The following KANK2 variants were observed in gnomAD, a reference collection of about 807,000 sequenced individuals.
KANK2 encodes KN motif and ankyrin repeat domains 2.
Under a neutral mutation model 74.6 loss-of-function variants are expected in KANK2, and 41 were observed. The observed-to-expected ratio is 0.55, with a 90% CI of 0.43 to 0.71. The LOEUF (loss-of-function observed/expected upper bound fraction) is 0.71, where lower values mean the gene tolerates loss of function less well. Among genes scored for constraint, KANK2 ranks in the 30% least tolerant of loss-of-function variants. The probability of loss-of-function intolerance (pLI) is 0.00; values close to 1 mark genes in which losing one functional copy is unlikely to be tolerated. For synonymous variants in KANK2, 537 were observed against 519.0 expected (o/e 1.03, Z -0.47); for missense variants, 1,148 against 1,196.4 (o/e 0.96, Z 0.60).
intron 4 of KANK2, among the ~76,000 whole-genome samples, chr19:11,181,099 A>C (rs1447824844): frequency 1.4e-5 from 2 of 138,872 alleles, no homozygotes; most frequent in Non-Finnish European, 3.3e-5. Context: ...AAAAAAAAAA[A>C]AAAAAAAAAA....
chr19:11,194,114 G>A lies in KANK2; in HGVS notation c.38-72C>T, dbSNP rs190168029. On this transcript the variant is annotated intron_variant, in intron 3 of 12. Coordinates refer to ENST00000586659, the MANE Select transcript of KANK2 (RefSeq NM_001136191.3). ...TTCTCAGGGTGAAGACTGATGCCTGGGGAGAGTTGGGGTTTATTTGCCGAA... is the reference window on the plus strand; with the variant it reads ...TTCTCAGGGTGAAGACTGATGCCTGAGGAGAGTTGGGGTTTATTTGCCGAA... 279 of 1,471,382 alleles carry A rather than the reference G, an allele frequency of 1.9e-4. No homozygotes were observed. The African/African-American group carries it at 3.4e-3, about 18-fold the overall frequency. 91.1% of individuals were successfully genotyped at this position (1,471,382 alleles called of 1,614,324 possible).
At chr19:11,188,767 A>C (rs1046101144) in intron 4 of KANK2, among the ~76,000 whole-genome samples, 1 of 151,778 alleles carries the variant, frequency 6.6e-6, no homozygotes, top group Non-Finnish European at 1.5e-5. Context: ...GCAGACCACA[A>C]GGTTAGGAGT....
chr19:11,174,399 G>A (rs774762344), intron 9 of KANK2, 74 bp downstream of exon 9: 60 of 1,220,770 alleles, frequency 4.9e-5, no homozygotes, highest in South Asian at 3.8e-4. Flanking sequence ...GGAGGGCAGT[G>A]TCTTCCCTAT....
intron 6 of KANK2, among the ~76,000 whole-genome samples, chr19:11,178,004 G>A (rs568429613): frequency 9.9e-5 from 15 of 152,192 alleles, no homozygotes; most frequent in Non-Finnish European, 2.1e-4. Context: ...TCCCCATCAC[G>A]GCTCCAACCA....
rs756193867 is a variant in KANK2 at position 11,178,493 on chromosome 19, A to G, written c.1418-46T>C. ...GGTGCTGTGAGAGTCCTTCAGGGCC[A>G]GACTCCGAACTGGCGCCATCCCGGT... On this transcript the variant is annotated intron_variant, in intron 5 of 12. Transcript: ENST00000586659. 3.1e-6 allele frequency: 5 copies of G among 1,601,414 alleles called. No individual in the cohort carries two copies. In the South Asian group the frequency reaches 4.5e-5, roughly 14 times the overall value.
At position 11,193,271 on chromosome 19, in the gene KANK2, C is replaced by G; in HGVS notation, c.809G>C (p.Trp270Ser). The G allele has an allele frequency of 6.2e-7, 1 of 1,611,186 alleles. No individual in the cohort carries two copies. The highest frequency in any genetic ancestry group is 8.5e-7 in the Non-Finnish European group (1 of 1,179,802). The change falls in exon 4 of 13, where the codon TGG becomes TCG. Residue 270 changes from tryptophan to serine, a missense_variant. Trp to Ser is a radical substitution (Grantham distance 177). Coordinates refer to ENST00000586659, the MANE Select transcript of KANK2 (RefSeq NM_001136191.3). The surrounding 1 kb of genome is among the most constrained non-coding windows in gnomAD (Gnocchi z 9.6). ...VALETRSVGT[W>S]VRERDLGMPD... The stretch of plus-strand genomic sequence containing the variant: ...CATGCCCAAGTCCCGTTCTCGAACC[C>G]AGGTGCCCACACTCCGGGTCTCCAG...
Position 11,193,418 on chromosome 19 carries a change from T to TCCTGGAGCACCGAGAGCTTCA in KANK2, c.641_661dup (p.Val214_Gln220dup). The stretch of plus-strand genomic sequence containing the variant: ...TTGTACTGTGAGCTGCCGCTTTTCC[T>TCCTGGAGCACCGAGAGCTTCA]CCTGGAGCACCGAGAGCTTCACCTG... On this transcript the variant is annotated inframe_insertion, in exon 4 of 13. Coordinates refer to ENST00000586659, the MANE Select transcript of KANK2 (RefSeq NM_001136191.3). This position sits in a 1 kb window ranked among gnomAD's most constrained non-coding sequence, Gnocchi z 9.6. 3 of 1,612,252 alleles carry TCCTGGAGCACCGAGAGCTTCA rather than the reference T, an allele frequency of 1.9e-6. No individual in the cohort carries two copies. Among genetic ancestry groups the TCCTGGAGCACCGAGAGCTTCA allele is most frequent in the Non-Finnish European group, 1.7e-6 (2 of 1,179,842 alleles).
intron 9 of KANK2, among the ~76,000 whole-genome samples, chr19:11,173,783 T>C (rs936036247): frequency 2.2e-4 from 33 of 151,818 alleles, no homozygotes; most frequent in Admixed American, 1.8e-3. Context: ...GCTATCAGAC[T>C]AGGAGAGTCA....
intron 4 of KANK2, among the ~76,000 whole-genome samples, chr19:11,187,441 T>G (rs1674278697): frequency 6.6e-6 from 1 of 151,764 alleles, no homozygotes; most frequent in Admixed American, 6.6e-5. Context: ...TCAAGGACAC[T>G]CAAATGTCTA....
At chr19:11,169,477 C>G (rs999641127) in intron 12 of KANK2, among the ~76,000 whole-genome samples, 3 of 152,052 alleles carry the variant, frequency 2.0e-5, no homozygotes, top group African/African-American at 7.2e-5. Context: ...CACTGCACTC[C>G]AGCCTTGGTG....
chr19:11,168,001 CCTT>C (rs902983116), intron 12 of KANK2, among the ~76,000 whole-genome samples: 5 of 143,292 alleles, frequency 3.5e-5, no homozygotes, highest in Admixed American at 2.3e-4. Context: ...CATCCCACGT[CCTT>C]GTTTTTTTTT....
intron 4 of KANK2, among the ~76,000 whole-genome samples, chr19:11,186,369 CA>C (rs2078674962): frequency 6.6e-6 from 1 of 151,574 alleles, no homozygotes; most frequent in African/African-American, 2.4e-5. Context: ...GCCTGAGAAA[CA>C]GAGCAAGACT....
intron 8 of KANK2, 23 bp from the exon 9 acceptor site, chr19:11,174,715 A>C (rs2078283172): frequency 6.4e-7 from 1 of 1,556,766 alleles, no homozygotes; most frequent in Non-Finnish European, 8.7e-7. Flanking sequence ...CAGGTGGGAG[A>C]GGATGTGAGG....
At chr19:11,178,523 C>T (rs375273592) in intron 5 of KANK2, 30 bp downstream of exon 5, 23 of 1,603,146 alleles carry the variant, frequency 1.4e-5, no homozygotes, top group East Asian at 1.1e-4. Flanking sequence ...CCCGGTGCCC[C>T]GTCCCTCTTG....
chr19:11,171,529 T>C (rs2078172283), intron 10 of KANK2, among the ~76,000 whole-genome samples: 1 of 133,216 alleles, frequency 7.5e-6, no homozygotes, highest in Non-Finnish European at 1.5e-5. Flanking sequence ...TTTCACCTTC[T>C]TTTTTTTTTT....
Position 11,164,291 on chromosome 19 carries a change from T to G in KANK2, c.*2267A>C, listed in dbSNP as rs2077970703. 1 of 152,150 alleles carries G rather than the reference T, an allele frequency of 6.6e-6. No homozygotes were observed. The highest frequency in any genetic ancestry group is 1.5e-5 in the Non-Finnish European group (1 of 68,022). 9.4% of individuals were successfully genotyped at this position (152,150 alleles called of 1,614,324 possible). A position where few individuals can be genotyped will look rare whatever the true frequency, so the allele number is the denominator to read the frequency against. The stretch of plus-strand genomic sequence containing the variant: ...ATCATCAACATTATTGGTAGCTTTA[T>G]TAAATTTGTTTACCTTCTAAAAAAA... On this transcript the variant is annotated 3_prime_UTR_variant, in exon 13 of 13. Transcript: ENST00000586659.
intron 6 of KANK2, 139 bp from the exon 7 acceptor site, chr19:11,176,956 G>T: frequency 9.9e-7 from 1 of 1,015,066 alleles, no homozygotes; most frequent in Non-Finnish European, 1.4e-6. Flanking sequence ...GACATTCCAG[G>T]GTTGTGGGAT....
Position 11,170,292 on chromosome 19 carries a change from G to A in KANK2, c.2212-44C>T, listed in dbSNP as rs766012913. On this transcript the variant is annotated intron_variant, in intron 10 of 12. Transcript: ENST00000586659. This position sits in a 1 kb window ranked among gnomAD's most constrained non-coding sequence, Gnocchi z 5.2. ...AGGATTATGGTTCATGCAGGCCCCAGGGCAGGACACCCCCTGGTCTAGAAC... is the reference window on the plus strand; with the variant it reads ...AGGATTATGGTTCATGCAGGCCCCAAGGCAGGACACCCCCTGGTCTAGAAC... 3 of 1,544,894 alleles carry A rather than the reference G, an allele frequency of 1.9e-6. No individual in the cohort carries two copies. Among genetic ancestry groups the A allele is most frequent in the Non-Finnish European group, 8.9e-7 (1 of 1,129,002 alleles).
chr19:11,171,296 A>C (rs1237837924), intron 10 of KANK2, among the ~76,000 whole-genome samples: 2 of 151,982 alleles, frequency 1.3e-5, no homozygotes, highest in Non-Finnish European at 1.5e-5. Context: ...TCTAAAAAAA[A>C]ATTAGCCGGG....
Sources: gnomAD v4.1 joint callset for allele counts (sites outside exome capture counted in the v4.1 genomes callset) on GRCh38, gnomAD v4.1.1 for gene constraint, Gnocchi (gnomAD v3.1) non-coding constraint, MANE v1.5 for transcripts, NCBI Gene and HGNC (gene_info 2026-07-23, HGNC 2026-07-21) for gene names.